Variants in PKHD1L1 observed in about 807,000 individuals in gnomAD.
PKHD1L1 encodes fibrocystin-L.
PKHD1L1 carries 434 observed loss-of-function variants against 462.9 expected under a neutral mutation model. That is an observed-to-expected ratio of 0.94 (90% confidence interval 0.87 to 1.02). PKHD1L1 has a LOEUF of 1.02. PKHD1L1 is among the 50% of genes least tolerant of loss of function. The probability of loss-of-function intolerance (pLI) is 0.00; values close to 1 mark genes in which losing one functional copy is unlikely to be tolerated. For synonymous variants in PKHD1L1, 1,781 were observed against 1,750.0 expected, an observed-to-expected ratio of 1.02 and a Z score of -0.44; for missense variants, 5,202 against 5,096.1, an observed-to-expected ratio of 1.02 and a Z score of -0.63.
intron 1 of PKHD1L1, among the ~76,000 whole-genome samples, chr8:109,364,307 AT>A (rs1234720830): frequency 4.6e-5 from 7 of 152,196 alleles, no homozygotes; most frequent in African/African-American, 1.7e-4. Flanking sequence ...ATCACGTGTT[AT>A]TTTTGCTCTT....
Position 109,445,501 on chromosome 8 carries a change from A to T in PKHD1L1, c.5632A>T (p.Asn1878Tyr), listed in dbSNP as rs201706272. 6.2e-7 allele frequency: 1 copy of T among 1,613,762 alleles called. No homozygotes were observed. Among genetic ancestry groups the T allele is most frequent in the East Asian group, 2.2e-5 (1 of 44,878 alleles). Residue 1878 changes from asparagine to tyrosine, a missense_variant, in exon 38 of 78, where the codon AAT (asparagine) becomes TAT (tyrosine). By Grantham distance (143) the Asn-to-Tyr change is moderately radical (BLOSUM62 -2). Transcript: ENST00000378402. ...TTGTCAAATTATTTCCATCAACCCC[A>T]ATGAAGTCTACTGCCGCACTCCCGC... ...EPCQIISINP[N>Y]EVYCRTPAGT...
In PKHD1L1 at chr8:109,479,603, G is replaced by C; in HGVS notation, c.9142G>C (p.Val3048Leu). 3 of 1,538,144 alleles carry C rather than the reference G, an allele frequency of 2.0e-6. No individual in the cohort carries two copies. Among genetic ancestry groups the C allele is most frequent in the Non-Finnish European group, 2.7e-6 (3 of 1,119,024 alleles). The change falls in exon 54 of 78, where the codon GTA (valine) becomes CTA (leucine). Residue 3048 changes from valine to leucine, a missense_variant. Physicochemically the swap from Val to Leu is conservative, Grantham distance 32. Transcript: ENST00000378402. Reference protein sequence around the residue: ...WQSSRENNYTVPHPGANVIIP... With the variant: ...WQSSRENNYTLPHPGANVIIP... ...ATCATCACGAGAAAATAATTATACT[G>C]TACCTCACCCAGGGGCAAATGTGAT...
intron 21 of PKHD1L1, among the ~76,000 whole-genome samples, chr8:109,415,968 T>C (rs1483036521): frequency 1.3e-5 from 2 of 151,878 alleles, no homozygotes; most frequent in Non-Finnish European, 2.9e-5. Flanking sequence ...AGTATATATC[T>C]CTGGCATCAG....
chr8:109,492,310 T>G (rs1169390269), intron 62 of PKHD1L1, among the ~76,000 whole-genome samples: 1 of 151,804 alleles, frequency 6.6e-6, no homozygotes, highest in Non-Finnish European at 1.5e-5. Flanking sequence ...CAATGGAATC[T>G]CTAAAATTAT....
chr8:109,389,623 C>A (rs889557471), intron 8 of PKHD1L1, among the ~76,000 whole-genome samples: 1 of 151,612 alleles, frequency 6.6e-6, no homozygotes, highest in Admixed American at 6.6e-5. Flanking sequence ...TGCCTCCCAG[C>A]TTCAAGTGAT....
Position 109,454,783 on chromosome 8 carries a change from C to G in PKHD1L1, c.6805C>G (p.Arg2269Gly). The G allele has an allele frequency of 1.2e-6, 2 of 1,613,826 alleles. No homozygotes were observed. The highest frequency in any genetic ancestry group is 1.7e-6 in the Non-Finnish European group (2 of 1,179,798). The change falls in exon 45 of 78, where the codon CGA becomes GGA. Residue 2269 changes from arginine (R) to glycine (G), a missense_variant. Physicochemically the swap from Arg to Gly is moderately radical, Grantham distance 125. Around this residue, in one of 3 missense-constraint regions of PKHD1L1, gnomAD observed 4,497 missense variants for 4,336.8 expected, o/e 1.04. Transcript: ENST00000378402. Reference sequence around the variant, plus strand: ...TGTCATTACCTTGCATGGTCACCTGCGATCTCCTGAGCTCCCTGTCTATGG... The same window carrying G: ...TGTCATTACCTTGCATGGTCACCTGGGATCTCCTGAGCTCCCTGTCTATGG... ...KAVITLHGHL[R>G]SPELPVYGAK...
intron 28 of PKHD1L1, among the ~76,000 whole-genome samples, chr8:109,434,059 C>A (rs1815257666): frequency 6.6e-6 from 1 of 151,800 alleles, no homozygotes; most frequent in African/African-American, 2.4e-5. Flanking sequence ...GGGAGTTGAA[C>A]AATGAGAACG....
At chr8:109,469,675 A>G (rs111383662) in intron 50 of PKHD1L1, among the ~76,000 whole-genome samples, 21 of 152,126 alleles carry the variant, frequency 1.4e-4, no homozygotes, top group African/African-American at 4.8e-4. Context: ...TGTGAATTAA[A>G]AGGGTCATGT....
Position 109,523,290 on chromosome 8 carries a change from T to A in PKHD1L1, c.12388T>A (p.Ser4130Thr), listed in dbSNP as rs745507768. The A allele has an allele frequency of 1.2e-6, 2 of 1,612,252 alleles. No homozygotes were observed. The highest frequency in any genetic ancestry group is 8.5e-7 in the Non-Finnish European group (1 of 1,178,688). ...ALTLRAILKD[S>T]NNNQVNGLSG... ...AACTTTGAGGGCCATACTCAAGGAC[T>A]CCAATAATAACCAAGTCAATGGCCT... Residue 4130 changes from serine (S) to threonine (T), a missense_variant, in exon 76 of 78, where the codon TCC becomes ACC. Around this residue, in one of 3 missense-constraint regions of PKHD1L1, gnomAD observed 698 missense variants for 736.3 expected, o/e 0.95. Coordinates refer to ENST00000378402, the MANE Select transcript of PKHD1L1 (RefSeq NM_177531.6).
chr8:109,516,216 G>A (rs1450229644), intron 72 of PKHD1L1, among the ~76,000 whole-genome samples: 2 of 152,044 alleles, frequency 1.3e-5, no homozygotes, highest in Non-Finnish European at 2.9e-5. Flanking sequence ...CCAAGATAGT[G>A]GTCTTAGTTC....
At chr8:109,469,877 A>T (rs1477220410) in intron 50 of PKHD1L1, among the ~76,000 whole-genome samples, 1 of 152,190 alleles carries the variant, frequency 6.6e-6, no homozygotes, top group Non-Finnish European at 1.5e-5. Flanking sequence ...AAAAACTGAA[A>T]CAAAAGTAAC....
intron 70 of PKHD1L1, 71 bp downstream of exon 70, chr8:109,508,335 C>T: frequency 4.2e-6 from 6 of 1,440,736 alleles, no homozygotes; most frequent in East Asian, 2.3e-5. Flanking sequence ...GAAGCCATCT[C>T]ATAAATTATT....
At position 109,419,136 on chromosome 8, in the gene PKHD1L1, A is replaced by G. The variant is rs185252298; in HGVS notation, c.2400A>G (p.Arg800=). The G allele has an allele frequency of 7.9e-5, 128 of 1,613,614 alleles. 2 individuals carry two copies. In the Admixed American group the frequency reaches 1.5e-3, roughly 19 times the overall value. The change falls in exon 22 of 78, where the codon AGA becomes AGG. Residue 800 remains arginine (R), a synonymous_variant. Coordinates refer to ENST00000378402, the MANE Select transcript of PKHD1L1 (RefSeq NM_177531.6). ...GCATAGACCTTCTGGATCTCGTAAG[A>G]ACGAAATACACTGGGACAAATGTTT... ...YTCIDLLDLV[R]TKYTGTNVSL...
Position 109,507,757 on chromosome 8 carries a change from G to C in PKHD1L1, c.11089G>C (p.Gly3697Arg). The C allele has an allele frequency of 6.2e-7, 1 of 1,613,408 alleles. No individual in the cohort carries two copies. Among genetic ancestry groups the C allele is most frequent in the Non-Finnish European group, 8.5e-7 (1 of 1,179,644 alleles). ...DIDGSFLGNA[G>R]SVIPQAEYEW... ...AGATGGCTCCTTTCTGGGGAATGCTGGTTCTGTGATACCTCAAGCAGAATA... is the reference window on the plus strand; with the variant it reads ...AGATGGCTCCTTTCTGGGGAATGCTCGTTCTGTGATACCTCAAGCAGAATA... Residue 3697 changes from glycine (G) to arginine (R), a missense_variant, in exon 69 of 78, where the codon GGT (glycine) becomes CGT (arginine). Physicochemically the swap from Gly to Arg is moderately radical, Grantham distance 125. Around this residue, in one of 3 missense-constraint regions of PKHD1L1, gnomAD observed 698 missense variants for 736.3 expected, o/e 0.95. Coordinates refer to ENST00000378402, the MANE Select transcript of PKHD1L1 (RefSeq NM_177531.6).
At chr8:109,513,855 T>C (rs543658535) in intron 71 of PKHD1L1, among the ~76,000 whole-genome samples, 32 of 152,260 alleles carry the variant, frequency 2.1e-4, no homozygotes, top group African/African-American at 7.0e-4. Flanking sequence ...AGTTTGAGCC[T>C]TTCCTGGATC....
chr8:109,527,482 T>A (rs1378854698), intron 77 of PKHD1L1, among the ~76,000 whole-genome samples: 1 of 152,154 alleles, frequency 6.6e-6, no homozygotes, highest in Non-Finnish European at 1.5e-5. Context: ...CCAGCCTGCG[T>A]GACAGAACAA....
Position 109,401,609 on chromosome 8 carries a change from T to C in PKHD1L1, c.1373+21T>C. ...AAAGAGTAAGGCTTTTTCCTGTCAT[T>C]AAATTACTGTGTGGTATTTATAAGC... On this transcript the variant is annotated intron_variant, in intron 14 of 77. Transcript: ENST00000378402. 4.0e-6 allele frequency: 5 copies of C among 1,264,802 alleles called. No homozygotes were observed. The South Asian group carries it at 6.4e-5, about 16-fold the overall frequency. The allele number at this position is 1,264,802 out of a possible 1,614,324, so 78.3% of individuals were successfully genotyped here.
intron 38 of PKHD1L1, among the ~76,000 whole-genome samples, chr8:109,447,507 A>G (rs753446958): frequency 2.6e-5 from 4 of 152,184 alleles, no homozygotes; most frequent in Non-Finnish European, 4.4e-5. Context: ...CCCTTCACGT[A>G]CATTTGTCAA....
At chr8:109,366,715 G>A (rs1409291641) in intron 2 of PKHD1L1, among the ~76,000 whole-genome samples, 2 of 138,912 alleles carry the variant, frequency 1.4e-5, no homozygotes, top group East Asian at 2.0e-4. Flanking sequence ...TTTTTGAGAC[G>A]GAGTTTCACT....
Sources: allele counts gnomAD v4.1 joint callset (sites outside exome capture counted in the v4.1 genomes callset), GRCh38; gene constraint gnomAD v4.1.1; regional missense constraint gnomAD v4.1.1; transcripts MANE v1.5; gene names NCBI Gene and HGNC (gene_info 2026-07-23, HGNC 2026-07-21).